PCDH9: variants seen among roughly 807,000 people sequenced by gnomAD.
The protein encoded by PCDH9 is protocadherin-9.
Under a neutral mutation model 70.6 loss-of-function variants are expected in PCDH9, and 24 were observed. That is an observed-to-expected ratio of 0.34 (90% CI 0.25 to 0.48). PCDH9 has a LOEUF of 0.48. Ranked by LOEUF, PCDH9 falls within the 20% of genes least tolerant of loss-of-function variation. The probability of loss-of-function intolerance (pLI) is 0.99; values close to 1 mark genes in which losing one functional copy is unlikely to be tolerated. For missense variants in PCDH9, 1,281 were observed against 1,503.6 expected, an observed-to-expected ratio of 0.85 and a Z score of 2.45; for synonymous variants, 562 against 558.5, an observed-to-expected ratio of 1.01 and a Z score of -0.09.
Position 66,359,860 on chromosome 13 carries a change from T to A in PCDH9, c.3341-54832A>T, listed in dbSNP as rs1442754440. ...GAAATCTCTATTATTTCTGCACTAGTAAAATGTATAATTACATTGTTAAAA... is the reference window on the plus strand; with the variant it reads ...GAAATCTCTATTATTTCTGCACTAGAAAAATGTATAATTACATTGTTAAAA... On this transcript the variant is annotated intron_variant, in intron 4 of 4. Coordinates refer to ENST00000377865, the MANE Select transcript of PCDH9 (RefSeq NM_203487.3). 2.6e-5 allele frequency among the ~76,000 whole-genome samples: 4 copies of A among 152,240 alleles called. No homozygotes were observed. In the East Asian group the frequency reaches 5.8e-4, roughly 22 times the overall value.
At chr13:66,714,606 C>T (rs1160567645) in intron 3 of PCDH9, among the ~76,000 whole-genome samples, 1 of 152,032 alleles carries the variant, frequency 6.6e-6, no homozygotes, top group Non-Finnish European at 1.5e-5. Context: ...TCTAATCTGG[C>T]TTACTTAGGC....
intron 2 of PCDH9, among the ~76,000 whole-genome samples, chr13:67,175,702 C>G (rs181240266): frequency 1.3e-5 from 2 of 152,250 alleles, no homozygotes; most frequent in East Asian, 3.9e-4. Flanking sequence ...AAAACTATAT[C>G]ATTGTTCAAA....
At chr13:67,120,007 A>G (rs1192471560) in intron 2 of PCDH9, among the ~76,000 whole-genome samples, 1 of 151,920 alleles carries the variant, frequency 6.6e-6, no homozygotes, top group Non-Finnish European at 1.5e-5. Context: ...ATCTTACGCT[A>G]ATTTTATAAC....
chr13:66,773,090 T>C (rs966000238), intron 3 of PCDH9, among the ~76,000 whole-genome samples: 23 of 152,224 alleles, frequency 1.5e-4, no homozygotes, highest in Non-Finnish European at 3.4e-4. Context: ...TTCAACTACG[T>C]GACCGATCCT....
chr13:67,058,187 T>C (rs1325105717), intron 2 of PCDH9, among the ~76,000 whole-genome samples: 1 of 152,182 alleles, frequency 6.6e-6, no homozygotes, highest in Non-Finnish European at 1.5e-5. Context: ...TCTCAGTATG[T>C]AAATAAAGCT....
chr13:66,695,780 G>A (rs1261340147), intron 3 of PCDH9, among the ~76,000 whole-genome samples: 1 of 152,076 alleles, frequency 6.6e-6, no homozygotes, highest in Admixed American at 6.5e-5. Flanking sequence ...TTAATGCCCT[G>A]AACTTGAATG....
At position 66,995,801 on chromosome 13, in the gene PCDH9, T is replaced by C. The variant is rs1008168176; in HGVS notation, c.3037-92196A>G. 1.2e-4 allele frequency among the ~76,000 whole-genome samples: 18 copies of C among 152,310 alleles called. No individual in the cohort carries two copies. The East Asian group carries it at 2.1e-3, about 18-fold the overall frequency. On this transcript the variant is annotated intron_variant, in intron 2 of 4. Transcript: ENST00000377865. ...AGCAGTTCAGAGAGAACATATCATCTGCATTACTGCTGTCTAAAAATCCTC... is the reference window on the plus strand; with the variant it reads ...AGCAGTTCAGAGAGAACATATCATCCGCATTACTGCTGTCTAAAAATCCTC...
chr13:66,667,912 A>G (rs1396471893), intron 3 of PCDH9, among the ~76,000 whole-genome samples: 2 of 152,216 alleles, frequency 1.3e-5, no homozygotes, highest in Non-Finnish European at 2.9e-5. Flanking sequence ...TTCATGAAGC[A>G]TAGATTTAAA....
chr13:67,120,165 C>T (rs1349848659), intron 2 of PCDH9, among the ~76,000 whole-genome samples: 1 of 143,162 alleles, frequency 7.0e-6, no homozygotes, highest in Non-Finnish European at 1.5e-5. Flanking sequence ...TTAAATTCAG[C>T]TGCATGTAAT....
At chr13:67,204,913 T>C (rs1222313555) in intron 2 of PCDH9, 1 of 152,134 alleles carries the variant, frequency 6.6e-6, no homozygotes, top group East Asian at 1.9e-4. Flanking sequence ...CCAAAACAAT[T>C]TGGCACTCTT....
At chr13:66,602,353 A>G (rs1302377311) in intron 4 of PCDH9, among the ~76,000 whole-genome samples, 3 of 146,248 alleles carry the variant, frequency 2.1e-5, no homozygotes, top group Non-Finnish European at 4.6e-5. Flanking sequence ...ATTATAGGAG[A>G]TAACAGCTCC....
intron 4 of PCDH9, among the ~76,000 whole-genome samples, chr13:66,608,496 G>A (rs1159613963): frequency 6.6e-6 from 1 of 152,084 alleles, no homozygotes; most frequent in Non-Finnish European, 1.5e-5. Context: ...TAAAGAGGCA[G>A]CATTATAGTT....
chr13:66,401,637 C>T (rs1405200037), intron 4 of PCDH9, among the ~76,000 whole-genome samples: 2 of 152,050 alleles, frequency 1.3e-5, no homozygotes, highest in African/African-American at 2.4e-5. Context: ...ACCGAGATCC[C>T]TTCAGACTTT....
At chr13:67,104,798 C>T (rs894479541) in intron 2 of PCDH9, among the ~76,000 whole-genome samples, 2 of 152,198 alleles carry the variant, frequency 1.3e-5, no homozygotes, top group African/African-American at 4.8e-5. Flanking sequence ...ATCCACCCAC[C>T]TCAGCCTCCC....
intron 4 of PCDH9, among the ~76,000 whole-genome samples, chr13:66,514,297 T>C (rs1959626670): frequency 6.6e-6 from 1 of 152,058 alleles, no homozygotes; most frequent in South Asian, 2.1e-4. Flanking sequence ...GGACTTGAGT[T>C]AGCCATACAT....
At chr13:66,924,486 T>C (rs2082685778) in intron 2 of PCDH9, among the ~76,000 whole-genome samples, 1 of 151,814 alleles carries the variant, frequency 6.6e-6, no homozygotes, top group Non-Finnish European at 1.5e-5. Flanking sequence ...AGAATTTTGA[T>C]GTTCTTAATA....
intron 4 of PCDH9, among the ~76,000 whole-genome samples, chr13:66,416,875 C>T (rs1479870711): frequency 1.3e-5 from 2 of 152,106 alleles, no homozygotes; most frequent in African/African-American, 2.4e-5. Context: ...GAGAAAACGT[C>T]TTGAATGATA....
intron 4 of PCDH9, among the ~76,000 whole-genome samples, chr13:66,530,516 A>ATT (rs1160817652): frequency 1.3e-5 from 2 of 151,838 alleles, no homozygotes; most frequent in East Asian, 3.9e-4. Flanking sequence ...CAGAACTATG[A>ATT]CATTAAATAG....
chr13:66,437,787 AC>A (rs1957900535), intron 4 of PCDH9, among the ~76,000 whole-genome samples: 1 of 151,766 alleles, frequency 6.6e-6, no homozygotes, highest in Non-Finnish European at 1.5e-5. Context: ...CCGCAATTCC[AC>A]TCCTATGTGT....
Sources: gnomAD v4.1 joint callset for allele counts (sites outside exome capture counted in the v4.1 genomes callset) on GRCh38, gnomAD v4.1.1 for gene constraint, MANE v1.5 for transcripts, NCBI Gene and HGNC (gene_info 2026-07-23, HGNC 2026-07-21) for gene names.